Variants in MAFF observed in about 807,000 individuals in gnomAD.
The protein encoded by MAFF is transcription factor MafF.
MAFF carries 4 observed loss-of-function variants against 2.7 expected under a neutral mutation model. That is an observed-to-expected ratio of 1.48 (90% CI 0.73 to 3.39). The LOEUF is 3.39. Among genes scored for constraint, MAFF ranks in the 30% most tolerant of loss-of-function variants. MAFF has a pLI of 0.01. For missense variants in MAFF, 190 were observed against 246.6 expected, an observed-to-expected ratio of 0.77 and a Z score of 1.54; for synonymous variants, 113 against 119.4, an observed-to-expected ratio of 0.95 and a Z score of 0.35.
At chr22:38,209,318 G>GCCT (rs1395342821) in intron 1 of MAFF, among the ~76,000 whole-genome samples, 1 of 152,100 alleles carries the variant, frequency 6.6e-6, no homozygotes, top group Non-Finnish European at 1.5e-5. Context: ...GCCCGCCTCA[G>GCCT]CCTCCTAAAG....
Position 38,214,867 on chromosome 22 carries a change from T to TCCTGCTCCTAGTGCCCGCCCC in MAFF, c.486_*11dup. ...CCCGGACCCCGCCCACGGCCCGGCC[T>TCCTGCTCCTAGTGCCCGCCCC]CCTGCTCCTAGTGCCCGCCCCCGCC... On this transcript the variant is annotated stop_gained and inframe_insertion, in exon 3 of 3. Transcript: ENST00000338483. LOFTEE classifies it high-confidence loss of function. This position sits in a 1 kb window ranked among gnomAD's most constrained non-coding sequence, Gnocchi z 6.3. 2.0e-6 allele frequency: 3 copies of TCCTGCTCCTAGTGCCCGCCCC among 1,507,622 alleles called. No homozygotes were observed. In the South Asian group the frequency reaches 3.7e-5, roughly 19 times the overall value. 93.4% of individuals were successfully genotyped at this position (1,507,622 alleles called of 1,614,324 possible). A position where few individuals can be genotyped will look rare whatever the true frequency, so the allele number is the denominator to read the frequency against.
chr22:38,213,622 G>C (rs2091118893), intron 1 of MAFF: 2 of 667,842 alleles, frequency 3.0e-6, no homozygotes, highest in South Asian at 1.5e-5. Flanking sequence ...GAACAGTAAA[G>C]AGCACAGCCT....
chr22:38,212,340 C>T (rs1243132870), intron 1 of MAFF, among the ~76,000 whole-genome samples: 2 of 152,204 alleles, frequency 1.3e-5, no homozygotes, highest in African/African-American at 4.8e-5. Flanking sequence ...TCACTGCCCC[C>T]TCCCCTTGGA....
chr22:38,210,623 AGTGTGTGTGTGTGTGTGT>A (rs71195095), intron 1 of MAFF, among the ~76,000 whole-genome samples: 2 of 132,920 alleles, frequency 1.5e-5, no homozygotes, highest in African/African-American at 2.9e-5. Context: ...GGACACAGGG[AGTGTGTGTGTGTGTGTGT>A]GTGTGTGTGT....
At chr22:38,210,750 A>G (rs958303278) in intron 1 of MAFF, among the ~76,000 whole-genome samples, 9 of 151,834 alleles carry the variant, frequency 5.9e-5, no homozygotes, top group East Asian at 1.9e-4. Flanking sequence ...AACTTTGTGG[A>G]TATCTAGGGA....
At position 38,215,019 on chromosome 22, in the gene MAFF, T is replaced by C; in HGVS notation, c.*141T>C. On this transcript the variant is annotated 3_prime_UTR_variant, in exon 3 of 3. Coordinates refer to ENST00000338483, the MANE Select transcript of MAFF (RefSeq NM_012323.4). ...GCACACACATTCCCTTCGTGGGCCCTGTCTTCCTCTTGCAGCCCCCCAAAC... is the reference window on the plus strand; with the variant it reads ...GCACACACATTCCCTTCGTGGGCCCCGTCTTCCTCTTGCAGCCCCCCAAAC... The C allele has an allele frequency of 1.5e-6, 1 of 675,278 alleles. No homozygotes were observed. The highest frequency in any genetic ancestry group is 2.6e-6 in the Non-Finnish European group (1 of 387,278). 41.8% of individuals were successfully genotyped at this position (675,278 alleles called of 1,614,324 possible).
intron 1 of MAFF, among the ~76,000 whole-genome samples, chr22:38,205,090 G>A (rs1009831002): frequency 6.6e-6 from 1 of 152,048 alleles, no homozygotes; most frequent in Non-Finnish European, 1.5e-5. Flanking sequence ...CCACCTCCAG[G>A]AAGCCTTCAC....
At chr22:38,206,810 C>T (rs998869554) in intron 1 of MAFF, among the ~76,000 whole-genome samples, 3 of 152,192 alleles carry the variant, frequency 2.0e-5, no homozygotes, top group Admixed American at 6.5e-5. Context: ...GATTAACTTG[C>T]GTGGGGAGAG....
chr22:38,213,497 TAGGCGGGGTTATGTGATGTGACACAG>T, intron 1 of MAFF: 1 of 395,916 alleles, frequency 2.5e-6, no homozygotes, highest in Non-Finnish European at 5.0e-6. Flanking sequence ...CAAGGGTTAA[TAGGCGGGGTTATGTGATGTGACACAG>T]AGGCGTTTAG....
intron 1 of MAFF, 176 bp from the exon 2 acceptor site, chr22:38,213,647 C>A (rs1486651176): frequency 4.4e-6 from 3 of 683,982 alleles, no homozygotes; most frequent in Non-Finnish European, 8.1e-6. Flanking sequence ...ACAGCTCCCG[C>A]GGCTGGAAGG....
chr22:38,209,170 A>G (rs2091077505), intron 1 of MAFF, among the ~76,000 whole-genome samples: 1 of 151,884 alleles, frequency 6.6e-6, no homozygotes, highest in African/African-American at 2.4e-5. Context: ...GGTTCACGCC[A>G]TTCTCCTGCC....
intron 1 of MAFF, among the ~76,000 whole-genome samples, chr22:38,213,066 A>G (rs2146021892): frequency 6.6e-6 from 1 of 151,660 alleles, no homozygotes; most frequent in East Asian, 2.0e-4. Context: ...AATCCCAGCT[A>G]CTTGGGAGGC....
chr22:38,213,957 C>A, intron 2 of MAFF, 68 bp downstream of exon 2: 1 of 1,535,796 alleles, frequency 6.5e-7, no homozygotes, highest in Non-Finnish European at 9.0e-7. Flanking sequence ...CTCCTCATCC[C>A]AACTTCCCCT....
At chr22:38,211,229 T>TC (rs1428106198) in intron 1 of MAFF, among the ~76,000 whole-genome samples, 32 of 115,372 alleles carry the variant, frequency 2.8e-4, no homozygotes, top group Non-Finnish European at 6.3e-4. Flanking sequence ...GGGAGCACTT[T>TC]CTTTTTTTTT....
intron 1 of MAFF, among the ~76,000 whole-genome samples, chr22:38,207,912 G>A (rs1602332791): frequency 1.3e-5 from 2 of 152,272 alleles, no homozygotes; most frequent in South Asian, 4.1e-4. Context: ...GGCGAACCAG[G>A]GAGGTGACGG....
chr22:38,208,961 C>T lies in MAFF; in HGVS notation c.-31-4862C>T, dbSNP rs568424149. 1.3e-4 allele frequency among the ~76,000 whole-genome samples: 19 copies of T among 145,830 alleles called. No individual in the cohort carries two copies. In the South Asian group the frequency reaches 4.2e-3, roughly 33 times the overall value. On this transcript the variant is annotated intron_variant, in intron 1 of 2. Transcript: ENST00000338483. ...GGAGGTGGCAGTGGTGGGAAATGGG[C>T]GTGGGGCTGGACACACAGGGCCTGG... is the stretch of plus-strand genomic sequence containing the variant.
At chr22:38,211,004 G>A (rs1021665800) in intron 1 of MAFF, among the ~76,000 whole-genome samples, 5 of 151,988 alleles carry the variant, frequency 3.3e-5, no homozygotes, top group Non-Finnish European at 5.9e-5. Flanking sequence ...AGGCTGCAAT[G>A]AGCTGTGATC....
chr22:38,203,086 T>A (rs1006547766), intron 1 of MAFF: 4 of 152,160 alleles, frequency 2.6e-5, no homozygotes, highest in African/African-American at 9.7e-5. Context: ...GGTAACAAAG[T>A]GAGTTGGAGC....
At chr22:38,209,835 A>AG (rs397968966) in intron 1 of MAFF, among the ~76,000 whole-genome samples, 3 of 134,842 alleles carry the variant, frequency 2.2e-5, no homozygotes, top group East Asian at 4.4e-4. Context: ...AAAAAAAAAA[A>AG]GGGAAAAAAA....
Sources: gnomAD v4.1 joint callset for allele counts (sites outside exome capture counted in the v4.1 genomes callset) on GRCh38, gnomAD v4.1.1 for gene constraint, Gnocchi (gnomAD v3.1) non-coding constraint, MANE v1.5 for transcripts, NCBI Gene and HGNC (gene_info 2026-07-23, HGNC 2026-07-21) for gene names.